Variants in SLC2A9 observed in about 807,000 individuals in gnomAD.
The protein encoded by SLC2A9 is solute carrier family 2 member 9, also known as solute carrier family 2, facilitated glucose transporter member 9.
In SLC2A9, 39 loss-of-function variants were observed where a neutral mutation model predicts 50.6. That is an observed-to-expected ratio of 0.77 (90% CI 0.60 to 1.01). SLC2A9 has a LOEUF of 1.01. SLC2A9 is among the 50% of genes least tolerant of loss of function. The pLI, the probability that SLC2A9 is intolerant of heterozygous loss-of-function variation, is 0.00. For missense variants in SLC2A9, 686 were observed against 677.6 expected (o/e 1.01, Z -0.14); for synonymous variants, 324 against 276.9 (o/e 1.17, Z -1.69).
intron 7 of SLC2A9, among the ~76,000 whole-genome samples, chr4:9,919,970 T>G (rs537272343): frequency 1.3e-5 from 2 of 152,262 alleles, no homozygotes; most frequent in East Asian, 3.9e-4. Context: ...CTTAAAGCCT[T>G]GAGGTTTTTT....
chr4:9,956,594 G>A (rs541921352), intron 5 of SLC2A9, among the ~76,000 whole-genome samples: 1 of 152,158 alleles, frequency 6.6e-6, no homozygotes, highest in Non-Finnish European at 1.5e-5. Context: ...TACCAGCGGC[G>A]TTCACATAGA....
At chr4:9,796,633 A>G (rs185646091), downstream of SLC2A9, among the ~76,000 whole-genome samples, 36 of 152,328 alleles carry the variant, frequency 2.4e-4, no homozygotes, top group Admixed American at 3.3e-4. Flanking sequence ...CAAAATCTCA[A>G]TGCCAGCAAC....
intron 8 of SLC2A9, among the ~76,000 whole-genome samples, chr4:9,892,398 C>G (rs1322697356): frequency 6.6e-6 from 1 of 152,178 alleles, no homozygotes; most frequent in Non-Finnish European, 1.5e-5. Context: ...TGCCTTTCTC[C>G]TGGGTGCTTA....
In SLC2A9 at chr4:9,890,478, T is replaced by A. The variant is rs10939602; in HGVS notation, c.1215+132A>T. On this transcript the variant is annotated intron_variant, in intron 9 of 11. Coordinates refer to ENST00000264784, the MANE Select transcript of SLC2A9 (RefSeq NM_020041.3). ...CCTCAGCAGCTCCAGAGATGAGATGTCCCCGGGGAGAGCTTTATCACAAGT... is the reference window on the plus strand; with the variant it reads ...CCTCAGCAGCTCCAGAGATGAGATGACCCCGGGGAGAGCTTTATCACAAGT... The A allele has an allele frequency of 7.1e-5, 61 of 861,452 alleles. No individual in the cohort carries two copies. The South Asian group carries it at 8.2e-4, about 12-fold the overall frequency. The allele number at this position is 861,452 out of a possible 1,614,324, so 53.4% of individuals were successfully genotyped here.
chr4:10,023,028 C>A (rs1272853847), upstream of SLC2A9, among the ~76,000 whole-genome samples: 1 of 152,178 alleles, frequency 6.6e-6, no homozygotes, highest in Non-Finnish European at 1.5e-5. Context: ...GGGCCTAGAG[C>A]AGCATTCTGA....
chr4:9,897,050 T>C (rs1738685390), intron 8 of SLC2A9, among the ~76,000 whole-genome samples: 1 of 152,156 alleles, frequency 6.6e-6, no homozygotes, highest in Non-Finnish European at 1.5e-5. Flanking sequence ...GCTGTTATCA[T>C]CCACTATTAT....
At chr4:9,868,087 G>A (rs1732798958) in intron 10 of SLC2A9, among the ~76,000 whole-genome samples, 1 of 152,200 alleles carries the variant, frequency 6.6e-6, no homozygotes, top group Non-Finnish European at 1.5e-5. Context: ...CCCAAGTGGT[G>A]GATTTGCGCC....
At chr4:9,879,090 A>C (rs1486583383) in intron 10 of SLC2A9, 1 of 984,998 alleles carries the variant, frequency 1.0e-6, no homozygotes, top group Non-Finnish European at 1.2e-6. Context: ...CAGGTGATAG[A>C]AACAAGGTTC....
chr4:9,915,784 G>T (rs1742749426), intron 7 of SLC2A9, among the ~76,000 whole-genome samples: 1 of 152,184 alleles, frequency 6.6e-6, no homozygotes, highest in Admixed American at 6.5e-5. Flanking sequence ...CAGTGAGATG[G>T]TCTCCACTTT....
chr4:9,831,206 T>C (rs1726088497), intron 11 of SLC2A9, among the ~76,000 whole-genome samples: 1 of 152,178 alleles, frequency 6.6e-6, no homozygotes, highest in Admixed American at 6.5e-5. Context: ...TGCTGTGGGC[T>C]GAACTGCGTC....
At chr4:9,917,619 C>G (rs1447029508) in intron 7 of SLC2A9, among the ~76,000 whole-genome samples, 2 of 152,202 alleles carry the variant, frequency 1.3e-5, no homozygotes, top group Admixed American at 1.3e-4. Flanking sequence ...GCACAAGACA[C>G]TGCACCCAGC....
At chr4:9,823,732 G>C (rs554025562), downstream of SLC2A9, among the ~76,000 whole-genome samples, 1 of 152,292 alleles carries the variant, frequency 6.6e-6, no homozygotes, top group Admixed American at 6.5e-5. Context: ...ATTCACTGGA[G>C]TAAATATCAG....
intron 5 of SLC2A9, among the ~76,000 whole-genome samples, chr4:9,976,288 T>C (rs1754794904): frequency 1.3e-5 from 2 of 152,196 alleles, no homozygotes; most frequent in African/African-American, 2.4e-5. Context: ...ATAGCTACCT[T>C]CTTGCTAACC....
intron 10 of SLC2A9, among the ~76,000 whole-genome samples, chr4:9,846,450 T>C (rs973042721): frequency 6.6e-6 from 1 of 151,962 alleles, no homozygotes; most frequent in Non-Finnish European, 1.5e-5. Flanking sequence ...GCTGAGCAAC[T>C]AGGGATGAGG....
At chr4:9,872,237 T>C (rs1303480670) in intron 10 of SLC2A9, among the ~76,000 whole-genome samples, 1 of 152,086 alleles carries the variant, frequency 6.6e-6, no homozygotes, top group Non-Finnish European at 1.5e-5. Flanking sequence ...ACAGCAAAAT[T>C]CCAAGAGCAT....
rs544743888 is a variant in SLC2A9, at chr4:10,011,948, T to C, written c.249+7027A>G. 3.3e-5 allele frequency among the ~76,000 whole-genome samples: 5 copies of C among 152,326 alleles called. No individual in the cohort carries two copies. In the East Asian group the frequency reaches 9.6e-4, roughly 29 times the overall value. ...AGCCTCCTCCCTTTTCTAAAACCTC[T>C]AGCACAGGGGTTAGCCAACAATTGG... On this transcript the variant is annotated intron_variant, in intron 2 of 11. Coordinates refer to ENST00000264784, the MANE Select transcript of SLC2A9 (RefSeq NM_020041.3).
chr4:9,986,566 C>T (rs374645264), intron 3 of SLC2A9, among the ~76,000 whole-genome samples: 3 of 152,146 alleles, frequency 2.0e-5, no homozygotes, highest in South Asian at 2.1e-4. Flanking sequence ...ACCAGCATAG[C>T]GTTCTACAAC....
At chr4:9,913,347 G>C (rs1451675853) in intron 7 of SLC2A9, among the ~76,000 whole-genome samples, 1 of 150,146 alleles carries the variant, frequency 6.7e-6, no homozygotes, top group Non-Finnish European at 1.5e-5. Context: ...GAGAGAGAGA[G>C]AGAGAGAGAC....
Position 9,834,941 on chromosome 4 carries a change from A to C in SLC2A9, c.1359T>G (p.Ile453Met). The C allele has an allele frequency of 6.2e-7, 1 of 1,614,166 alleles. No homozygotes were observed. The highest frequency in any genetic ancestry group is 8.5e-7 in the Non-Finnish European group (1 of 1,180,030). The change falls in exon 11 of 12, where the codon ATT becomes ATG. Residue 453 changes from isoleucine (I) to methionine (M), a missense_variant. Coordinates refer to ENST00000264784, the MANE Select transcript of SLC2A9 (RefSeq NM_020041.3). ...QQSQRPAAFI[I>M]AGTVNWLSNF... ...TGGAGAGCCAGTTGACGGTGCCTGC[A>C]ATGATGAAGGCAGCCGGCCGCTGAG...
Sources: gnomAD v4.1 joint callset for allele counts (sites outside exome capture counted in the v4.1 genomes callset) on GRCh38, gnomAD v4.1.1 for gene constraint, MANE v1.5 for transcripts, NCBI Gene and HGNC (gene_info 2026-07-23, HGNC 2026-07-21) for gene names.